Variants in GRIK2 observed in about 807,000 individuals in gnomAD.
The protein encoded by GRIK2 is glutamate receptor ionotropic, kainate 2.
GRIK2 carries 32 observed loss-of-function variants against 100.3 expected under a neutral mutation model. The ratio of observed to expected loss-of-function variants is 0.32; its 90% CI spans 0.24 to 0.43. The LOEUF is 0.43. GRIK2 is among the 20% of genes least tolerant of loss of function. GRIK2 has a pLI of 1.00. For missense variants in GRIK2, 843 were observed against 1,114.9 expected (o/e 0.76, Z 3.47); for synonymous variants, 417 against 389.4 (o/e 1.07, Z -0.83).
chr6:101,593,571 A>G, intron 2 of GRIK2, among the ~76,000 whole-genome samples: 1 of 151,880 alleles, frequency 6.6e-6, no homozygotes, highest in Admixed American at 6.6e-5. Context: ...AACTTCTTCA[A>G]GCTACAGAGT....
chr6:101,582,538 C>T, intron 2 of GRIK2, among the ~76,000 whole-genome samples: 1 of 152,096 alleles, frequency 6.6e-6, no homozygotes. Context: ...AACTGTGAGT[C>T]AGTTAGATGT....
chr6:101,905,679 C>T (rs1788169352), intron 12 of GRIK2, among the ~76,000 whole-genome samples: 1 of 151,332 alleles, frequency 6.6e-6, no homozygotes, highest in Non-Finnish European at 1.5e-5. Flanking sequence ...ATTACTACTA[C>T]ATCTATCAAT....
chr6:101,713,438 A>G lies in GRIK2; in HGVS notation c.951+27085A>G, dbSNP rs932396844. 4.0e-5 allele frequency among the ~76,000 whole-genome samples: 6 copies of G among 151,776 alleles called. No homozygotes were observed. The South Asian group carries it at 1.0e-3, about 26-fold the overall frequency. ...ATTTGTTTATGACCTAATGTCATTCATTAGTTCTGTTTCATTAAAAAAATG... is the reference window on the plus strand; with the variant it reads ...ATTTGTTTATGACCTAATGTCATTCGTTAGTTCTGTTTCATTAAAAAAATG... On this transcript the variant is annotated intron_variant, in intron 7 of 16. Coordinates refer to ENST00000369134, the MANE Select transcript of GRIK2 (RefSeq NM_021956.5).
intron 9 of GRIK2, among the ~76,000 whole-genome samples, chr6:101,815,058 C>A (rs908801332): frequency 2.6e-5 from 4 of 152,016 alleles, no homozygotes; most frequent in Admixed American, 6.6e-5. Context: ...AAATAATGTA[C>A]CCGAGTCACC....
intron 7 of GRIK2, among the ~76,000 whole-genome samples, 157 bp downstream of exon 7, chr6:101,686,510 AT>A (rs1178148562): frequency 6.6e-6 from 1 of 152,120 alleles, no homozygotes; most frequent in Admixed American, 6.6e-5. Flanking sequence ...TGTATTAACA[AT>A]TTTTTTAAAT....
intron 16 of GRIK2, among the ~76,000 whole-genome samples, chr6:102,067,363 G>GTAAA (rs1446830366): frequency 1.3e-5 from 2 of 151,676 alleles, no homozygotes; most frequent in Non-Finnish European, 2.9e-5. Context: ...CTGCCTAACT[G>GTAAA]TAAATATGTA....
intron 2 of GRIK2, among the ~76,000 whole-genome samples, chr6:101,554,226 A>G (rs975019561): frequency 6.6e-6 from 1 of 152,168 alleles, no homozygotes; most frequent in Non-Finnish European, 1.5e-5. Context: ...TGTGAGACCA[A>G]CCAGGCCCTG....
At chr6:101,548,702 A>T (rs1220022746) in intron 2 of GRIK2, among the ~76,000 whole-genome samples, 2 of 152,186 alleles carry the variant, frequency 1.3e-5, no homozygotes, top group African/African-American at 2.4e-5. Flanking sequence ...CTGTATCATG[A>T]TCATGATCAT....
At position 101,668,236 on chromosome 6, in the gene GRIK2, C is replaced by T. The variant is rs184254101; in HGVS notation, c.542-8387C>T. Among the ~76,000 whole-genome samples the T allele has an allele frequency of 2.4e-3, 367 of 152,114 alleles. 2 individuals are homozygous for T. The highest frequency in any genetic ancestry group is 8.4e-3 in the African/African-American group (347 of 41,512). ...CTCTTCTCTCTTATTTCTCTAAGCC[C>T]CAATTATCTCTGTTTTCAATGTTCT... On this transcript the variant is annotated intron_variant, in intron 4 of 16. Transcript: ENST00000369134.
chr6:102,055,182 G>GT (rs1184822650), intron 15 of GRIK2, 148 bp from the exon 16 acceptor site: 44 of 569,752 alleles, frequency 7.7e-5, no homozygotes, highest in Admixed American at 2.6e-4. Flanking sequence ...ACGTCTATGT[G>GT]TTTTTTCCAG....
intron 14 of GRIK2, among the ~76,000 whole-genome samples, chr6:101,980,420 T>C (rs1793643740): frequency 1.3e-5 from 2 of 151,966 alleles, no homozygotes; most frequent in South Asian, 4.1e-4. Context: ...AAGTATTTTT[T>C]GTTAGTGTCA....
At chr6:101,476,766 G>A (rs775972590) in intron 2 of GRIK2, among the ~76,000 whole-genome samples, 1 of 152,126 alleles carries the variant, frequency 6.6e-6, no homozygotes, top group Non-Finnish European at 1.5e-5. Context: ...CCACTGAGAT[G>A]ACCACATGTT....
intron 15 of GRIK2, among the ~76,000 whole-genome samples, chr6:102,038,934 A>AT (rs1331570584): frequency 1.3e-5 from 2 of 151,342 alleles, no homozygotes; most frequent in African/African-American, 4.8e-5. Flanking sequence ...ATTTTGAGGT[A>AT]TTTTCAAGAA....
chr6:101,675,644 A>C (rs1358498716), intron 4 of GRIK2, among the ~76,000 whole-genome samples: 1 of 152,156 alleles, frequency 6.6e-6, no homozygotes, highest in African/African-American at 2.4e-5. Context: ...TACATTCAAT[A>C]ATTTTTCTCT....
chr6:101,465,153 G>A lies in GRIK2; in HGVS notation c.115+65761G>A, dbSNP rs139834454. Among the ~76,000 whole-genome samples the A allele has an allele frequency of 4.0e-3, 616 of 152,250 alleles. 3 individuals carry two copies. Among genetic ancestry groups the A allele is most frequent in the African/African-American group, 0.014 (581 of 41,546 alleles). ...TAATTTATACACATAACGGGTACAA[G>A]TATAGTTGTATTACATGAATATATC... On this transcript the variant is annotated intron_variant, in intron 2 of 16. Transcript: ENST00000369134.
chr6:102,042,849 A>AAAT (rs1432062647), intron 15 of GRIK2, among the ~76,000 whole-genome samples: 1 of 151,740 alleles, frequency 6.6e-6, no homozygotes, highest in Non-Finnish European at 1.5e-5. Context: ...AATACTCAAG[A>AAAT]AATATGACAG....
At chr6:102,005,261 A>G (rs912554439) in intron 14 of GRIK2, among the ~76,000 whole-genome samples, 10 of 150,266 alleles carry the variant, frequency 6.7e-5, no homozygotes, top group African/African-American at 2.4e-4. Context: ...TATTCACAAT[A>G]TGAGACTCTG....
In GRIK2 at chr6:101,884,386, A is replaced by G. The variant is rs867269525; in HGVS notation, c.1525-5254A>G. Among the ~76,000 whole-genome samples the G allele has an allele frequency of 1.1e-4, 16 of 152,160 alleles. 1 individual carries two copies. Among genetic ancestry groups the G allele is most frequent in the Non-Finnish European group, 2.4e-4 (16 of 68,016 alleles). On this transcript the variant is annotated intron_variant, in intron 11 of 16. Transcript: ENST00000369134. ...AGCGTTAAACTGCAAGAACCTTTAGAAGTATGCATAAGATGTTTCACTGAT... is the reference window on the plus strand; with the variant it reads ...AGCGTTAAACTGCAAGAACCTTTAGGAGTATGCATAAGATGTTTCACTGAT...
At chr6:101,620,598 T>G (rs1780109788) in intron 2 of GRIK2, among the ~76,000 whole-genome samples, 1 of 152,166 alleles carries the variant, frequency 6.6e-6, no homozygotes. Context: ...CTGACATTCA[T>G]GTGTCAAAAT....
Sources: allele counts gnomAD v4.1 joint callset (sites outside exome capture counted in the v4.1 genomes callset), GRCh38; gene constraint gnomAD v4.1.1; transcripts MANE v1.5; gene names NCBI Gene and HGNC (gene_info 2026-07-23, HGNC 2026-07-21).